Variants in SCHIP1 observed in about 807,000 individuals in gnomAD.
SCHIP1 encodes schwannomin-interacting protein 1.
SCHIP1 carries 8 observed loss-of-function variants against 29.7 expected under a neutral mutation model. The ratio of observed to expected loss-of-function variants is 0.27; its 90% CI spans 0.16 to 0.49. The LOEUF (loss-of-function observed/expected upper bound fraction) is 0.49, where lower values mean the gene tolerates loss of function less well. SCHIP1 is among the 20% of genes least tolerant of loss of function. The pLI is 0.99. For synonymous variants in SCHIP1, 76 were observed against 94.9 expected (o/e 0.80, Z 1.16); for missense variants, 193 against 294.6 (o/e 0.66, Z 2.52).
In SCHIP1 at chr3:159,850,324, C is replaced by T. The variant is rs770639085; in HGVS notation, c.30+10110C>T. 5.3e-5 allele frequency among the ~76,000 whole-genome samples: 8 copies of T among 152,114 alleles called. No individual in the cohort carries two copies. In the East Asian group the frequency reaches 7.7e-4, roughly 15 times the overall value. ...ATCCCAGCATTTTGGGAGGCCAAGGCGGGTGGATCACCTGAGGTCAGGAGT... is the reference window on the plus strand; with the variant it reads ...ATCCCAGCATTTTGGGAGGCCAAGGTGGGTGGATCACCTGAGGTCAGGAGT... On this transcript the variant is annotated intron_variant, in intron 1 of 6. Transcript: ENST00000445224.
chr3:159,886,473 T>G lies in SCHIP1; in HGVS notation c.267+149T>G, dbSNP rs1577494188. Reference sequence around the variant, plus strand: ...ATTGCATGCTCCTAAAATTTGACAATGATTAAAAAGTCAAAGTTGTAATAA... The same window carrying G: ...ATTGCATGCTCCTAAAATTTGACAAGGATTAAAAAGTCAAAGTTGTAATAA... On this transcript the variant is annotated intron_variant, in intron 3 of 6. Coordinates refer to ENST00000445224, the Ensembl canonical transcript of SCHIP1. The G allele has an allele frequency of 9.2e-6, 6 of 649,408 alleles. No homozygotes were observed. In the East Asian group the frequency reaches 1.6e-4, roughly 18 times the overall value. 40.2% of individuals were successfully genotyped at this position (649,408 alleles called of 1,614,324 possible).
upstream of SCHIP1, among the ~76,000 whole-genome samples, chr3:159,836,959 A>AT (rs1042812377): frequency 1.3e-5 from 2 of 151,720 alleles, no homozygotes; most frequent in East Asian, 3.9e-4. Context: ...TAATATATTC[A>AT]TTTTTTTTCA....
chr3:159,400,665 C>T, the SCHIP1 span, among the ~76,000 whole-genome samples: 1 of 152,206 alleles, frequency 6.6e-6, no homozygotes, highest in Non-Finnish European at 1.5e-5. Flanking sequence ...TACCAGAAAT[C>T]CTCAGGTTCC....
At chr3:159,703,013 T>C in the SCHIP1 span, among the ~76,000 whole-genome samples, 1 of 152,254 alleles carries the variant, frequency 6.6e-6, no homozygotes. Flanking sequence ...ACATAGTACA[T>C]ACATTTATTC....
the SCHIP1 span, among the ~76,000 whole-genome samples, chr3:159,409,825 C>A: frequency 6.6e-6 from 1 of 151,968 alleles, no homozygotes; most frequent in Non-Finnish European, 1.5e-5. Context: ...CAAAGCTATC[C>A]TGAACAAAAA....
chr3:159,626,132 AGATAGATAT>A, the SCHIP1 span, among the ~76,000 whole-genome samples: 1 of 121,608 alleles, frequency 8.2e-6, no homozygotes, highest in Non-Finnish European at 1.5e-5. Context: ...ATAGATAGAT[AGATAGATAT>A]ATCTAGATAT....
chr3:159,491,482 T>G, the SCHIP1 span, among the ~76,000 whole-genome samples: 2 of 152,214 alleles, frequency 1.3e-5, no homozygotes, highest in African/African-American at 2.4e-5. Flanking sequence ...TGGAGGGTCC[T>G]AGGCCCACGG....
chr3:159,670,742 T>C, the SCHIP1 span, among the ~76,000 whole-genome samples: 2 of 152,144 alleles, frequency 1.3e-5, no homozygotes, highest in Non-Finnish European at 2.9e-5. Flanking sequence ...AAGAATTCTG[T>C]GCATTACTAC....
the SCHIP1 span, among the ~76,000 whole-genome samples, chr3:159,560,568 T>C: frequency 2.0e-5 from 3 of 152,152 alleles, no homozygotes; most frequent in Non-Finnish European, 4.4e-5. Context: ...TGGATTCTCT[T>C]TGCTAAGTCC....
At chr3:159,614,700 A>C in the SCHIP1 span, among the ~76,000 whole-genome samples, 1 of 152,264 alleles carries the variant, frequency 6.6e-6, no homozygotes, top group African/African-American at 2.4e-5. Context: ...CGCTGTGTTT[A>C]AATGAAAAGG....
the SCHIP1 span, chr3:159,275,220 T>A: frequency 3.0e-6 from 1 of 332,468 alleles, no homozygotes; most frequent in Non-Finnish European, 4.3e-6. Flanking sequence ...GAAAGGTAGA[T>A]TTATGATTTC....
intron 1 of SCHIP1, among the ~76,000 whole-genome samples, chr3:159,850,325 G>A (rs895244078): frequency 5.9e-5 from 9 of 152,030 alleles, no homozygotes; most frequent in South Asian, 2.1e-4. Context: ...AGGCCAAGGC[G>A]GGTGGATCAC....
the SCHIP1 span, among the ~76,000 whole-genome samples, chr3:159,550,256 A>G: frequency 1.3e-5 from 2 of 152,070 alleles, no homozygotes; most frequent in Admixed American, 1.3e-4. Context: ...ATTATTAGTT[A>G]TGCTTTTCAA....
At chr3:159,402,931 T>C in the SCHIP1 span, among the ~76,000 whole-genome samples, 1 of 151,720 alleles carries the variant, frequency 6.6e-6, no homozygotes, top group South Asian at 2.1e-4. Context: ...TAAAGTATAA[T>C]AATAATAATA....
the SCHIP1 span, among the ~76,000 whole-genome samples, chr3:159,671,543 C>T: frequency 6.6e-6 from 1 of 152,124 alleles, no homozygotes; most frequent in East Asian, 1.9e-4. Context: ...ATCATGATTG[C>T]TTGATCTGTA....
At chr3:159,451,906 T>C in the SCHIP1 span, among the ~76,000 whole-genome samples, 1 of 152,140 alleles carries the variant, frequency 6.6e-6, no homozygotes, top group South Asian at 2.1e-4. Context: ...GGGTCCATAC[T>C]GAAAAGAGGG....
the SCHIP1 span, among the ~76,000 whole-genome samples, chr3:159,437,602 G>A: frequency 5.3e-5 from 8 of 151,962 alleles, no homozygotes; most frequent in African/African-American, 1.9e-4. Context: ...GAAGGAGACG[G>A]TGGAGGGGGA....
At chr3:159,881,231 T>G (rs1000544288) in intron 2 of SCHIP1, among the ~76,000 whole-genome samples, 1 of 152,214 alleles carries the variant, frequency 6.6e-6, no homozygotes, top group Non-Finnish European at 1.5e-5. Flanking sequence ...AATCCATATT[T>G]TATGTTTCAT....
At chr3:159,658,180 CAGA>C in the SCHIP1 span, among the ~76,000 whole-genome samples, 4 of 152,174 alleles carry the variant, frequency 2.6e-5, no homozygotes, top group Non-Finnish European at 4.4e-5. Context: ...GAACACACAT[CAGA>C]AGAACTGATG....
Sources: allele counts gnomAD v4.1 joint callset (sites outside exome capture counted in the v4.1 genomes callset), GRCh38; gene constraint gnomAD v4.1.1; transcripts MANE v1.5; gene names NCBI Gene and HGNC (gene_info 2026-07-23, HGNC 2026-07-21).